Variants in SLC9A3 observed in about 807,000 individuals in gnomAD.
SLC9A3 encodes the protein solute carrier family 9 member A3.
In SLC9A3, 37 loss-of-function variants were observed where a neutral mutation model predicts 86.8. That is an observed-to-expected ratio of 0.43 (90% CI 0.33 to 0.56). The LOEUF (loss-of-function observed/expected upper bound fraction) is 0.56. Among genes scored for constraint, SLC9A3 ranks in the 20% least tolerant of loss-of-function variants. SLC9A3 has a pLI of 0.06. For synonymous variants in SLC9A3, 581 were observed against 528.3 expected (o/e 1.10, Z -1.37); for missense variants, 1,011 against 1,171.9 (o/e 0.86, Z 2.00).
chr5:475,566 G>T lies in SLC9A3; in HGVS notation c.2246C>A (p.Pro749His). The T allele has an allele frequency of 6.5e-7, 1 of 1,542,272 alleles. No homozygotes were observed. The highest frequency in any genetic ancestry group is 8.8e-7 in the Non-Finnish European group (1 of 1,138,390). ...SVTKDTASDS[P>H]AGIDNPVFSP... Reference sequence around the variant, plus strand: ...CGCCTGTGCCCCGTCCCCACCTGCAGGGGAGTCGGACGCTGTGTCCTTGGT... The same window carrying T: ...CGCCTGTGCCCCGTCCCCACCTGCATGGGAGTCGGACGCTGTGTCCTTGGT... Residue 749 changes from proline to histidine, a missense_variant, in exon 15 of 17, where the codon CCT (proline) becomes CAT (histidine). Coordinates refer to ENST00000264938, the MANE Select transcript of SLC9A3 (RefSeq NM_004174.4).
Position 497,747 on chromosome 5 carries a change from C to T in SLC9A3, c.212-5676G>A, listed in dbSNP as rs56725106. On this transcript the variant is annotated intron_variant, in intron 1 of 16. Coordinates refer to ENST00000264938, the MANE Select transcript of SLC9A3 (RefSeq NM_004174.4). This position sits in a 1 kb window ranked among gnomAD's most constrained non-coding sequence, Gnocchi z 5.4. ...GGTCGCCCGGCCGCATCCCCAGCCT[C>T]TGCCCCTGTCCCGGGTGGGGTCGCC... Among the ~76,000 whole-genome samples the T allele has an allele frequency of 0.021, 2,238 of 108,290 alleles. 86 individuals are homozygous for T. The highest frequency in any genetic ancestry group is 0.07 in the East Asian group (169 of 2,420). The allele number at this position is 108,290 out of a possible 152,430, so 71.0% of individuals were successfully genotyped here. A position where few individuals can be genotyped will look rare whatever the true frequency, so the allele number is the denominator to read the frequency against.
chr5:494,788 G>T (rs922628482), intron 1 of SLC9A3, among the ~76,000 whole-genome samples: 2 of 152,206 alleles, frequency 1.3e-5, no homozygotes, highest in Non-Finnish European at 2.9e-5. Context: ...GCCTAGCAAA[G>T]CCGGGCACAG....
chr5:482,525 G>A, intron 7 of SLC9A3, 23 bp downstream of exon 7: 1 of 1,594,258 alleles, frequency 6.3e-7, no homozygotes, highest in Non-Finnish European at 8.6e-7. Context: ...CGAGACCCCA[G>A]GGCTGGCTGG....
At chr5:520,244 G>A (rs1733847145) in intron 1 of SLC9A3, among the ~76,000 whole-genome samples, 1 of 152,200 alleles carries the variant, frequency 6.6e-6, no homozygotes, top group African/African-American at 2.4e-5. Flanking sequence ...CAGACGCCTG[G>A]GGACAAATAG....
At position 482,175 on chromosome 5, in the gene SLC9A3, G is replaced by A. The variant is rs372509469; in HGVS notation, c.1357-18C>T. ...GTCAGGCCCTGGAGGACAGGGTCTC[G>A]TGACCCTGGTGCCAGGCAGCCCCCC... is the stretch of plus-strand genomic sequence containing the variant. On this transcript the variant is annotated intron_variant, in intron 7 of 16. Coordinates refer to ENST00000264938, the MANE Select transcript of SLC9A3 (RefSeq NM_004174.4). 2.1e-5 allele frequency: 33 copies of A among 1,578,618 alleles called. No homozygotes were observed. In the African/African-American group the frequency reaches 2.7e-4, roughly 13 times the overall value.
Position 479,769 on chromosome 5 carries a change from A to G in SLC9A3, c.1647+67T>C, listed in dbSNP as rs1043876583. The G allele has an allele frequency of 3.8e-5, 59 of 1,569,796 alleles. 1 individual carries two copies. In the African/African-American group the frequency reaches 7.1e-4, roughly 19 times the overall value. The stretch of plus-strand genomic sequence containing the variant: ...TGCAGGGGCCTCTCCTCACTGCCCC[A>G]TGGCACCCACAGCCAGTGCCAGAGC... On this transcript the variant is annotated intron_variant, in intron 10 of 16. Coordinates refer to ENST00000264938, the MANE Select transcript of SLC9A3 (RefSeq NM_004174.4).
intron 3 of SLC9A3, among the ~76,000 whole-genome samples, chr5:487,813 G>A (rs968613040): frequency 4.6e-5 from 7 of 152,162 alleles, no homozygotes; most frequent in Non-Finnish European, 8.8e-5. Flanking sequence ...GATTACAGGC[G>A]CGTGCCACCA....
chr5:474,485 A>AGGT (rs1738584197), intron 16 of SLC9A3, among the ~76,000 whole-genome samples: 1 of 2,238 alleles, frequency 4.5e-4, no homozygotes. Flanking sequence ...GAGAGGGGTT[A>AGGT]GGCGGGGAGA....
intron 1 of SLC9A3, among the ~76,000 whole-genome samples, chr5:507,247 C>G (rs1333043667): frequency 9.3e-6 from 1 of 107,440 alleles, no homozygotes; most frequent in Non-Finnish European, 1.7e-5. Context: ...GGGCTCACTG[C>G]AAGCTCCGCT....
At chr5:489,474 C>T (rs61590346) in intron 2 of SLC9A3, among the ~76,000 whole-genome samples, 21,738 of 152,142 alleles carry the variant, frequency 0.14, 1,859 homozygotes, top group African/African-American at 0.23. Flanking sequence ...AGAGAGCAGC[C>T]TGGCCAGGGG....
At position 510,351 on chromosome 5, in the gene SLC9A3, A is replaced by G. The variant is rs1051983866; in HGVS notation, c.211+13761T>C. 5.9e-5 allele frequency among the ~76,000 whole-genome samples: 9 copies of G among 152,316 alleles called. No individual in the cohort carries two copies. The East Asian group carries it at 1.5e-3, about 26-fold the overall frequency. On this transcript the variant is annotated intron_variant, in intron 1 of 16. Transcript: ENST00000264938. Reference sequence around the variant, plus strand: ...CCAGAACCCGTGGGACACACCCTCGAGAGCCGCCGGCAGCACGCTTGGTCC... The same window carrying G: ...CCAGAACCCGTGGGACACACCCTCGGGAGCCGCCGGCAGCACGCTTGGTCC...
In SLC9A3 at chr5:514,719, C is replaced by T. The variant is rs139906603; in HGVS notation, c.211+9393G>A. ...TCCACACTTTGTGTCACCCCCAAAGCTCTTAAAAACAGGCATTTTCAACTT... is the reference window on the plus strand; with the variant it reads ...TCCACACTTTGTGTCACCCCCAAAGTTCTTAAAAACAGGCATTTTCAACTT... On this transcript the variant is annotated intron_variant, in intron 1 of 16. Coordinates refer to ENST00000264938, the MANE Select transcript of SLC9A3 (RefSeq NM_004174.4). 2.5e-3 allele frequency among the ~76,000 whole-genome samples: 377 copies of T among 152,368 alleles called. 5 individuals are homozygous for T. Among genetic ancestry groups the T allele is most frequent in the Middle Eastern group, 0.014 (4 of 294 alleles).
intron 2 of SLC9A3, among the ~76,000 whole-genome samples, chr5:489,326 G>A (rs938331933): frequency 2.6e-5 from 4 of 152,212 alleles, no homozygotes; most frequent in Non-Finnish European, 5.9e-5. Context: ...CACCCAGGGA[G>A]GGGGAGGCCC....
In SLC9A3 at chr5:480,150, T is replaced by TCTCCC. The variant is rs1739070090; in HGVS notation, c.1518-186_1518-185insGGGAG. 1.1e-4 allele frequency: 64 copies of TCTCCC among 603,396 alleles called. 1 individual carries two copies. In the South Asian group the frequency reaches 1.3e-3, roughly 12 times the overall value. The allele number at this position is 603,396 out of a possible 1,614,324, so 37.4% of individuals were successfully genotyped here. A position where few individuals can be genotyped will look rare whatever the true frequency, so the allele number is the denominator to read the frequency against. Reference sequence around the variant, plus strand: ...TCCGCCGTTCTCCCGCCTGTCCTGTTGGATGGAGGCCGTTAGACGCATATG... The same window carrying TCTCCC: ...TCCGCCGTTCTCCCGCCTGTCCTGTTCTCCCGGATGGAGGCCGTTAGACGCATATG... On this transcript the variant is annotated intron_variant, in intron 9 of 16. Coordinates refer to ENST00000264938, the MANE Select transcript of SLC9A3 (RefSeq NM_004174.4).
intron 15 of SLC9A3, 102 bp downstream of exon 15, chr5:475,459 A>C (rs1579761740): frequency 4.2e-6 from 3 of 708,298 alleles, no homozygotes; most frequent in Non-Finnish European, 4.9e-6. Flanking sequence ...AGGAGACCCC[A>C]CCCCCCCAGG....
intron 1 of SLC9A3, among the ~76,000 whole-genome samples, chr5:501,667 C>G (rs1453306561): frequency 1.3e-5 from 2 of 152,248 alleles, no homozygotes; most frequent in East Asian, 1.9e-4. Context: ...GCCACCCGCC[C>G]CTGCAGGTCC....
chr5:473,181 C>T lies in SLC9A3; in HGVS notation c.*198G>A. ...CGGCGCAGGCCCCGCCCCCGGCTCGCCCTCGGGCGGCTCTGCGGGCGCAGG... is the reference window on the plus strand; with the variant it reads ...CGGCGCAGGCCCCGCCCCCGGCTCGTCCTCGGGCGGCTCTGCGGGCGCAGG... On this transcript the variant is annotated 3_prime_UTR_variant, in exon 17 of 17. Transcript: ENST00000264938. 7 of 396,166 alleles carry T rather than the reference C, an allele frequency of 1.8e-5. No homozygotes were observed. The highest frequency in any genetic ancestry group is 4.3e-5 in the African/African-American group (1 of 22,998). The allele number at this position is 396,166 out of a possible 1,614,324, so 24.5% of individuals were successfully genotyped here.
intron 1 of SLC9A3, among the ~76,000 whole-genome samples, chr5:515,248 T>C (rs1051386417): frequency 6.6e-6 from 1 of 151,540 alleles, no homozygotes; most frequent in African/African-American, 2.4e-5. Flanking sequence ...GCCAGGCCCA[T>C]TCCCAGGATG....
rs191409336 is a variant in SLC9A3, at chr5:524,288, C to T, written c.35G>A (p.Gly12Glu). Reference sequence around the variant, plus strand: ...GCCCAGCGCCAGCGCCAGCAGCAGCCCCCGGTCGGGGCCCCGGGCCCCGAG... The same window carrying T: ...GCCCAGCGCCAGCGCCAGCAGCAGCTCCCGGTCGGGGCCCCGGGCCCCGAG... The part of the protein sequence containing the change: ...WGLGARGPDR[G>E]LLLALALGGL... The change falls in exon 1 of 17, where the codon GGG (glycine) becomes GAG (glutamate). Residue 12 changes from glycine (G) to glutamate (E), a missense_variant. Gly to Glu is a moderately conservative substitution (Grantham distance 98). Around this residue, in one of 3 missense-constraint regions of SLC9A3, gnomAD observed 49 missense variants for 35.6 expected, o/e 1.38. Transcript: ENST00000264938. 5 of 1,314,356 alleles carry T rather than the reference C, an allele frequency of 3.8e-6. No homozygotes were observed. The highest frequency in any genetic ancestry group is 2.3e-5 in the South Asian group (1 of 44,312). 81.4% of individuals were successfully genotyped at this position (1,314,356 alleles called of 1,614,324 possible).
Sources: allele counts gnomAD v4.1 joint callset (sites outside exome capture counted in the v4.1 genomes callset), GRCh38; gene constraint gnomAD v4.1.1; regional missense constraint gnomAD v4.1.1; non-coding constraint Gnocchi (gnomAD v3.1); transcripts MANE v1.5; gene names NCBI Gene and HGNC (gene_info 2026-07-23, HGNC 2026-07-21).